PPFIA2: variants seen among roughly 807,000 people sequenced by gnomAD.
PPFIA2 encodes the protein PPFI scaffold protein A2, also known as liprin-alpha-2.
Under a neutral mutation model 175.5 loss-of-function variants are expected in PPFIA2, and 46 were observed. That is an observed-to-expected ratio of 0.26 (90% CI 0.21 to 0.34). PPFIA2 has a LOEUF of 0.34. Ranked by LOEUF, PPFIA2 falls within the 10% of genes least tolerant of loss-of-function variation. PPFIA2 has a pLI of 1.00. For synonymous variants in PPFIA2, 568 were observed against 511.4 expected, an observed-to-expected ratio of 1.11 and a Z score of -1.49; for missense variants, 1,179 against 1,506.1, an observed-to-expected ratio of 0.78 and a Z score of 3.60.
intron 6 of PPFIA2, among the ~76,000 whole-genome samples, chr12:81,442,848 C>CATT (rs2050429458): frequency 7.1e-5 from 1 of 14,096 alleles, no homozygotes; most frequent in Non-Finnish European, 1.4e-4. Context: ...TTTCTGACTT[C>CATT]ATATATATAT....
At chr12:81,733,401 T>C (rs1473507357) in intron 3 of PPFIA2, among the ~76,000 whole-genome samples, 3 of 151,598 alleles carry the variant, frequency 2.0e-5, no homozygotes, top group Non-Finnish European at 3.0e-5. Flanking sequence ...CTGTACACCA[T>C]TGAGCCTATA....
intron 15 of PPFIA2, among the ~76,000 whole-genome samples, chr12:81,360,185 G>A (rs2061411764): frequency 1.3e-5 from 2 of 151,644 alleles, no homozygotes; most frequent in African/African-American, 4.8e-5. Context: ...CCAGTTCTCT[G>A]AGCTAGTTCT....
chr12:81,368,950 A>G (rs988231368), intron 12 of PPFIA2, 94 bp from the exon 13 acceptor site: 4 of 1,412,566 alleles, frequency 2.8e-6, no homozygotes, highest in Non-Finnish European at 2.9e-6. Context: ...TTAATTTTAC[A>G]TCTGTTTTGA....
intron 3 of PPFIA2, among the ~76,000 whole-genome samples, chr12:81,682,808 G>A (rs962864927): frequency 6.6e-6 from 1 of 151,764 alleles, no homozygotes; most frequent in African/African-American, 2.4e-5. Flanking sequence ...TCTTATCAAG[G>A]TTGCCAATGA....
chr12:81,408,816 C>A (rs1464081361), intron 7 of PPFIA2, among the ~76,000 whole-genome samples: 3 of 152,124 alleles, frequency 2.0e-5, no homozygotes, highest in Non-Finnish European at 4.4e-5. Context: ...TACAGAAGAA[C>A]AAATGTGACA....
intron 3 of PPFIA2, among the ~76,000 whole-genome samples, chr12:81,698,660 G>A (rs2076150801): frequency 6.6e-6 from 1 of 152,098 alleles, no homozygotes; most frequent in Non-Finnish European, 1.5e-5. Flanking sequence ...TGTTGCAAAT[G>A]AGTTTGCATA....
chr12:81,448,517 T>C (rs1006880201), intron 5 of PPFIA2, among the ~76,000 whole-genome samples: 3 of 152,228 alleles, frequency 2.0e-5, no homozygotes, highest in Non-Finnish European at 4.4e-5. Context: ...ATTTTTAATG[T>C]CTTCTTATTG....
At chr12:81,476,002 T>C (rs1194376746) in intron 4 of PPFIA2, among the ~76,000 whole-genome samples, 1 of 152,234 alleles carries the variant, frequency 6.6e-6, no homozygotes, top group Non-Finnish European at 1.5e-5. Flanking sequence ...CCCTCCACCT[T>C]AGCTCAAGCT....
At chr12:81,515,436 AAATT>A (rs1331320248) in intron 4 of PPFIA2, among the ~76,000 whole-genome samples, 1 of 152,084 alleles carries the variant, frequency 6.6e-6, no homozygotes, top group Non-Finnish European at 1.5e-5. Flanking sequence ...GTGTTTACAC[AAATT>A]AATAAAAATG....
chr12:81,535,298 G>C, intron 4 of PPFIA2: 1 of 423,776 alleles, frequency 2.4e-6, no homozygotes, highest in South Asian at 1.7e-5. Context: ...TGGATTTCAA[G>C]AGGACTGGAT....
intron 22 of PPFIA2, among the ~76,000 whole-genome samples, chr12:81,307,941 T>G (rs2049721138): frequency 7.1e-6 from 1 of 141,654 alleles, no homozygotes; most frequent in African/African-American, 2.6e-5. Flanking sequence ...CTTTAACTTA[T>G]CCTTCAGACA....
intron 4 of PPFIA2, among the ~76,000 whole-genome samples, chr12:81,544,301 G>A (rs867470302): frequency 3.3e-5 from 5 of 152,078 alleles, no homozygotes; most frequent in Non-Finnish European, 7.4e-5. Context: ...TTTCCTACAA[G>A]AATGTTCATT....
rs978243501 is a variant in PPFIA2, at chr12:81,684,721, C to T, written c.250-7877G>A. ...AATGCTTGAAAGAAGCTTTGAAATC[C>T]CAAGTGTTATAACTCCAAGCCCAGC... On this transcript the variant is annotated intron_variant, in intron 3 of 32. Transcript: ENST00000549396. 3.3e-5 allele frequency among the ~76,000 whole-genome samples: 5 copies of T among 151,910 alleles called. No homozygotes were observed. The East Asian group carries it at 7.8e-4, about 24-fold the overall frequency.
At chr12:81,373,118 A>T (rs1015577356) in intron 11 of PPFIA2, among the ~76,000 whole-genome samples, 3 of 151,794 alleles carry the variant, frequency 2.0e-5, no homozygotes, top group African/African-American at 7.2e-5. Flanking sequence ...TCAAAGGTTA[A>T]TGTGGGGCAG....
At position 81,368,852 on chromosome 12, in the gene PPFIA2, C is replaced by G. The variant is rs756345122; in HGVS notation, c.1355G>C (p.Arg452Thr). Residue 452 changes from arginine to threonine, a missense_variant, in exon 13 of 33, where the codon AGG (arginine) becomes ACG (threonine). Transcript: ENST00000549396. ...EEKNQELQRA[R>T]QREKMNEEHN... ...CTCCTCATTCATTTTCTCTCTTTGC[C>G]TAGCCTTACATTTTAAAAAATGACA... 1 of 1,607,682 alleles carries G rather than the reference C, an allele frequency of 6.2e-7. No individual in the cohort carries two copies. Among genetic ancestry groups the G allele is most frequent in the African/African-American group, 1.3e-5 (1 of 74,504 alleles).
intron 4 of PPFIA2, among the ~76,000 whole-genome samples, chr12:81,536,241 T>C (rs761507748): frequency 6.6e-6 from 1 of 151,764 alleles, no homozygotes; most frequent in Non-Finnish European, 1.5e-5. Context: ...GATAAATGTA[T>C]CATCTGTTCT....
At chr12:81,619,468 G>C (rs1410906913) in intron 4 of PPFIA2, among the ~76,000 whole-genome samples, 1 of 152,132 alleles carries the variant, frequency 6.6e-6, no homozygotes, top group East Asian at 1.9e-4. Flanking sequence ...AGTAGGACTA[G>C]TTTATATCTT....
At chr12:81,538,191 G>A (rs2065681468) in intron 4 of PPFIA2, among the ~76,000 whole-genome samples, 1 of 151,858 alleles carries the variant, frequency 6.6e-6, no homozygotes, top group Admixed American at 6.6e-5. Context: ...ATAGTTGGTT[G>A]TGAAGATTAA....
At chr12:81,750,842 A>C (rs974237290) in intron 3 of PPFIA2, among the ~76,000 whole-genome samples, 4 of 152,176 alleles carry the variant, frequency 2.6e-5, no homozygotes, top group African/African-American at 9.7e-5. Context: ...TATGTCATAA[A>C]GTTTATCTCT....
Sources: allele counts gnomAD v4.1 joint callset (sites outside exome capture counted in the v4.1 genomes callset), GRCh38; gene constraint gnomAD v4.1.1; transcripts MANE v1.5; gene names NCBI Gene and HGNC (gene_info 2026-07-23, HGNC 2026-07-21).